KIAA1217: variants seen among roughly 807,000 people sequenced by gnomAD.
KIAA1217 encodes the protein sickle tail protein homolog.
KIAA1217 carries 88 observed loss-of-function variants against 163.9 expected under a neutral mutation model. That is an observed-to-expected ratio of 0.54 (90% CI 0.45 to 0.64). The LOEUF (loss-of-function observed/expected upper bound fraction) is 0.64. Among genes scored for constraint, KIAA1217 ranks in the 30% least tolerant of loss-of-function variants. The pLI is 0.00. For synonymous variants in KIAA1217, 903 were observed against 923.1 expected (o/e 0.98, Z 0.39); for missense variants, 2,372 against 2,475.0 (o/e 0.96, Z 0.88).
intron 2 of KIAA1217, among the ~76,000 whole-genome samples, chr10:24,358,839 A>G (rs961340663): frequency 1.3e-5 from 2 of 152,084 alleles, no homozygotes; most frequent in African/African-American, 4.8e-5. Flanking sequence ...GAAAGCCAGC[A>G]CTCCATTGTA....
At chr10:24,190,360 G>T (rs553059224) in intron 2 of KIAA1217, among the ~76,000 whole-genome samples, 6 of 152,250 alleles carry the variant, frequency 3.9e-5, no homozygotes, top group African/African-American at 1.2e-4. Flanking sequence ...GCAGGAGGAG[G>T]TTTTACCTAC....
At chr10:24,004,043 G>A (rs955136951) in intron 1 of KIAA1217, among the ~76,000 whole-genome samples, 27 of 152,100 alleles carry the variant, frequency 1.8e-4, no homozygotes, top group African/African-American at 5.5e-4. Context: ...GCAATGGCAC[G>A]ATCTCAGCTC....
chr10:24,103,111 C>T (rs1395131475), intron 2 of KIAA1217, among the ~76,000 whole-genome samples: 2 of 152,054 alleles, frequency 1.3e-5, no homozygotes, highest in African/African-American at 2.4e-5. Flanking sequence ...TATAAATTAC[C>T]CAGTCTTGAG....
At chr10:24,511,364 T>C (rs1438043893) in intron 9 of KIAA1217, among the ~76,000 whole-genome samples, 1 of 151,996 alleles carries the variant, frequency 6.6e-6, no homozygotes, top group Non-Finnish European at 1.5e-5. Context: ...GCTTTTTGGC[T>C]GGGCACGGTG....
chr10:24,382,468 A>G (rs1197901158), intron 3 of KIAA1217, among the ~76,000 whole-genome samples: 2 of 152,160 alleles, frequency 1.3e-5, no homozygotes, highest in East Asian at 3.9e-4. Context: ...TGTATTATCA[A>G]TATTAATATT....
At chr10:23,978,528 A>G (rs865881027) in intron 1 of KIAA1217, among the ~76,000 whole-genome samples, 6 of 152,308 alleles carry the variant, frequency 3.9e-5, no homozygotes, top group Middle Eastern at 3.4e-3. Flanking sequence ...AGGCTTTCGT[A>G]TGACCCTGGC....
At chr10:24,395,706 T>C (rs1367789924) in intron 3 of KIAA1217, among the ~76,000 whole-genome samples, 1 of 152,128 alleles carries the variant, frequency 6.6e-6, no homozygotes, top group Non-Finnish European at 1.5e-5. Flanking sequence ...AGAGTCCTGC[T>C]CTGTCACCCA....
chr10:24,021,806 T>C (rs551022259), intron 2 of KIAA1217, among the ~76,000 whole-genome samples: 121 of 151,832 alleles, frequency 8.0e-4, no homozygotes, highest in Admixed American at 2.0e-3. Context: ...GATACAAATA[T>C]AGTCAACTGA....
intron 2 of KIAA1217, among the ~76,000 whole-genome samples, chr10:24,276,659 T>C (rs1590486844): frequency 6.7e-6 from 1 of 150,190 alleles, no homozygotes; most frequent in East Asian, 2.0e-4. Context: ...ACCGAGGCCG[T>C]AGTGCAGTGG....
chr10:24,134,286 A>G (rs2063757703), intron 2 of KIAA1217, among the ~76,000 whole-genome samples: 1 of 152,200 alleles, frequency 6.6e-6, no homozygotes, highest in South Asian at 2.1e-4. Context: ...TAAAAAGGTA[A>G]GGAGACAGAA....
At chr10:23,788,179 C>T (rs1237557751) in intron 1 of KIAA1217, among the ~76,000 whole-genome samples, 4 of 152,104 alleles carry the variant, frequency 2.6e-5, no homozygotes, top group Non-Finnish European at 4.4e-5. Context: ...GCCTGAGCAA[C>T]AGGGCAAGAC....
intron 2 of KIAA1217, among the ~76,000 whole-genome samples, chr10:24,295,917 A>G (rs1044729089): frequency 4.6e-5 from 7 of 152,072 alleles, no homozygotes; most frequent in Non-Finnish European, 7.4e-5. Context: ...GGAAAAACGT[A>G]TATCTCCTTA....
intron 5 of KIAA1217, among the ~76,000 whole-genome samples, chr10:24,465,190 C>T (rs2132728095): frequency 6.6e-6 from 1 of 152,290 alleles, no homozygotes; most frequent in South Asian, 2.1e-4. Context: ...CAAACCCTTG[C>T]TGATTAGATT....
intron 5 of KIAA1217, among the ~76,000 whole-genome samples, chr10:24,462,592 T>C (rs61855859): frequency 0.093 from 14,202 of 152,250 alleles, 667 homozygotes; most frequent in South Asian, 0.12. Context: ...CCTGCACTTC[T>C]GTTTCCCAAC....
intron 2 of KIAA1217, among the ~76,000 whole-genome samples, chr10:24,008,208 T>A (rs956462092): frequency 7.3e-4 from 108 of 148,264 alleles, no homozygotes; most frequent in Non-Finnish European, 4.1e-4. Flanking sequence ...ATAGATAGAT[T>A]ATTTATCTTG....
intron 2 of KIAA1217, among the ~76,000 whole-genome samples, chr10:24,032,653 C>T (rs2131540771): frequency 6.6e-6 from 1 of 152,244 alleles, no homozygotes; most frequent in African/African-American, 2.4e-5. Flanking sequence ...AGGTCATGCC[C>T]ACTAGAGTCA....
At chr10:23,884,647 C>T (rs547687172) in intron 1 of KIAA1217, among the ~76,000 whole-genome samples, 5 of 152,002 alleles carry the variant, frequency 3.3e-5, no homozygotes, top group African/African-American at 1.2e-4. Context: ...TTGGCCAGAC[C>T]ATTATCCAGG....
chr10:24,546,128 C>T lies in KIAA1217; in HGVS notation c.5636C>T (p.Ser1879Leu). Residue 1879 changes from serine (S) to leucine (L), a missense_variant, in exon 21 of 21, where the codon TCA becomes TTA. Ser to Leu is a moderately radical substitution (Grantham distance 145). Transcript: ENST00000376454. ...GGTAAAGGTCACCATCTTTCATTCT[C>T]ACCGCAGAGTCAAAATGGCCGAGCA... Reference protein sequence around the residue: ...HTGKGHHLSFSPQSQNGRAPP... With the variant: ...HTGKGHHLSFLPQSQNGRAPP... 3 of 1,614,190 alleles carry T rather than the reference C, an allele frequency of 1.9e-6. No individual in the cohort carries two copies. Among genetic ancestry groups the T allele is most frequent in the Non-Finnish European group, 2.5e-6 (3 of 1,180,034 alleles).
At chr10:24,269,099 A>C (rs1304423305) in intron 2 of KIAA1217, among the ~76,000 whole-genome samples, 10 of 145,076 alleles carry the variant, frequency 6.9e-5, no homozygotes. Context: ...TGGGAGATAT[A>C]CCTAATGCTA....
Sources: gnomAD v4.1 joint callset for allele counts (sites outside exome capture counted in the v4.1 genomes callset) on GRCh38, gnomAD v4.1.1 for gene constraint, MANE v1.5 for transcripts, NCBI Gene and HGNC (gene_info 2026-07-23, HGNC 2026-07-21) for gene names.